TMEM97: variants seen among roughly 807,000 people sequenced by gnomAD.
TMEM97 encodes transmembrane protein 97, also known as sigma intracellular receptor 2.
In TMEM97, 13 loss-of-function variants were observed where a neutral mutation model predicts 18.3. The ratio of observed to expected loss-of-function variants is 0.71; its 90% CI spans 0.46 to 1.13. The LOEUF (loss-of-function observed/expected upper bound fraction) is 1.13, where lower values mean the gene tolerates loss of function less well. Among genes scored for constraint, TMEM97 ranks in the 50% most tolerant of loss-of-function variants. The pLI is 0.00. For missense variants in TMEM97, 205 were observed against 210.5 expected (o/e 0.97, Z 0.16); for synonymous variants, 76 against 85.3 (o/e 0.89, Z 0.60).
chr17:28,323,138 A>G (rs1035923289), intron 1 of TMEM97, among the ~76,000 whole-genome samples: 2 of 152,094 alleles, frequency 1.3e-5, no homozygotes, highest in Non-Finnish European at 2.9e-5. Context: ...TACACGCCTC[A>G]CCCATCTGCC....
intron 1 of TMEM97, among the ~76,000 whole-genome samples, chr17:28,324,190 T>G (rs1424560798): frequency 6.6e-6 from 1 of 152,212 alleles, no homozygotes; most frequent in Non-Finnish European, 1.5e-5. Context: ...TCAATCCTAT[T>G]CAAACCACAT....
rs552384028 is a variant in TMEM97 at position 28,327,888 on chromosome 17, C to T, written c.*1095C>T. ...AGTCCCTGTATCTGAAGTCTAGCAT[C>T]TCAAGGCTGATCTGGAAGTGTGCTA... On this transcript the variant is annotated 3_prime_UTR_variant, in exon 3 of 3. Coordinates refer to ENST00000226230, the MANE Select transcript of TMEM97 (RefSeq NM_014573.3). 8.5e-5 allele frequency: 13 copies of T among 152,368 alleles called. No homozygotes were observed. Among genetic ancestry groups the T allele is most frequent in the African/African-American group, 2.9e-4 (12 of 41,592 alleles). The allele number at this position is 152,368 out of a possible 1,614,324, so 9.4% of individuals were successfully genotyped here. A position where few individuals can be genotyped will look rare whatever the true frequency, so the allele number is the denominator to read the frequency against.
chr17:28,324,323 AAATT>A (rs1906254384), intron 1 of TMEM97, among the ~76,000 whole-genome samples: 1 of 152,268 alleles, frequency 6.6e-6, no homozygotes, highest in South Asian at 2.1e-4. Context: ...AGCCTTTCTG[AAATT>A]AATAATATGC....
At chr17:28,320,147 CATCT>C (rs1385042182) in intron 1 of TMEM97, among the ~76,000 whole-genome samples, 1 of 152,090 alleles carries the variant, frequency 6.6e-6, no homozygotes. Flanking sequence ...TTTGTTTCTC[CATCT>C]TATCTATAAC....
chr17:28,328,571 C>T lies in TMEM97; in HGVS notation c.*1778C>T, dbSNP rs1906483839. ...GTGACATAGGTCATTGGTCAAGCCG[C>T]TGGAATGCTACAGAGGTTTTTTTGG... On this transcript the variant is annotated 3_prime_UTR_variant, in exon 3 of 3. Coordinates refer to ENST00000226230, the MANE Select transcript of TMEM97 (RefSeq NM_014573.3). The T allele has an allele frequency of 1.2e-6, 1 of 856,650 alleles. No homozygotes were observed. Among genetic ancestry groups the T allele is most frequent in the Non-Finnish European group, 1.9e-6 (1 of 531,582 alleles). 53.1% of individuals were successfully genotyped at this position (856,650 alleles called of 1,614,324 possible).
At chr17:28,319,806 G>A (rs1269876616) in intron 1 of TMEM97, 1 of 153,392 alleles carries the variant, frequency 6.5e-6, no homozygotes, top group Non-Finnish European at 1.5e-5. Flanking sequence ...CCTGTCTGAA[G>A]GTTTAGCACC....
intron 1 of TMEM97, among the ~76,000 whole-genome samples, chr17:28,320,148 A>T (rs551283254): frequency 6.6e-6 from 1 of 151,924 alleles, no homozygotes; most frequent in East Asian, 1.9e-4. Flanking sequence ...TTGTTTCTCC[A>T]TCTTATCTAT....
rs1355224514 is a variant in TMEM97 at position 28,325,267 on chromosome 17, G to A, written c.127-236G>A. 2.0e-5 allele frequency among the ~76,000 whole-genome samples: 3 copies of A among 152,162 alleles called. No individual in the cohort carries two copies. In the South Asian group the frequency reaches 6.2e-4, roughly 32 times the overall value. ...AGATTCTGGGTAACACAAAGAAGGGGCTGGAAGAGTTGAGAAAATTTCAGA... is the reference window on the plus strand; with the variant it reads ...AGATTCTGGGTAACACAAAGAAGGGACTGGAAGAGTTGAGAAAATTTCAGA... On this transcript the variant is annotated intron_variant, in intron 1 of 2. Coordinates refer to ENST00000226230, the MANE Select transcript of TMEM97 (RefSeq NM_014573.3).
At position 28,327,354 on chromosome 17, in the gene TMEM97, G is replaced by A. The variant is rs1429883181; in HGVS notation, c.*561G>A. 2 of 154,284 alleles carry A rather than the reference G, an allele frequency of 1.3e-5. No homozygotes were observed. The highest frequency in any genetic ancestry group is 2.9e-5 in the Non-Finnish European group (2 of 69,456). 9.6% of individuals were successfully genotyped at this position (154,284 alleles called of 1,614,324 possible). On this transcript the variant is annotated 3_prime_UTR_variant, in exon 3 of 3. Transcript: ENST00000226230. ...AAAGGGGTGTGGGCTAGGTTATAAGGAAGTGGTACCAAATAACTGTGTGCC... is the reference window on the plus strand; with the variant it reads ...AAAGGGGTGTGGGCTAGGTTATAAGAAAGTGGTACCAAATAACTGTGTGCC...
Position 28,319,296 on chromosome 17 carries a change from C to T in TMEM97, c.57C>T (p.Leu19=). 5 of 1,611,444 alleles carry T rather than the reference C, an allele frequency of 3.1e-6. No individual in the cohort carries two copies. The highest frequency in any genetic ancestry group is 4.2e-6 in the Non-Finnish European group (5 of 1,178,908). Residue 19 remains leucine, a synonymous_variant, in exon 1 of 3, where the codon CTC becomes CTT. Transcript: ENST00000226230. ...AGTGGCTGCTGGGCCTCTACTTCCTCAGCCACATCCCCATCACCCTGTTCA... is the reference window on the plus strand; with the variant it reads ...AGTGGCTGCTGGGCCTCTACTTCCTTAGCCACATCCCCATCACCCTGTTCA... ...CVEWLLGLYF[L]SHIPITLFMD...
intron 1 of TMEM97, among the ~76,000 whole-genome samples, chr17:28,321,743 A>T (rs1237652305): frequency 6.6e-6 from 1 of 150,938 alleles, no homozygotes; most frequent in Non-Finnish European, 1.5e-5. Flanking sequence ...TTATTTTTTT[A>T]ATGCTGACTT....
rs1209680985 is a variant in TMEM97 at position 28,320,909 on chromosome 17, TGTC to T, written c.126+1545_126+1547del. ...TCTGCTTCGCTTTTATAAAGACACTTGTCATACATTCAGGGCCCACCAGATAAC... is the reference window on the plus strand; with the variant it reads ...TCTGCTTCGCTTTTATAAAGACACTTATACATTCAGGGCCCACCAGATAAC... On this transcript the variant is annotated intron_variant, in intron 1 of 2. Transcript: ENST00000226230. 6.6e-5 allele frequency among the ~76,000 whole-genome samples: 10 copies of T among 152,354 alleles called. No homozygotes were observed. The East Asian group carries it at 1.9e-3, about 29-fold the overall frequency.
chr17:28,325,578 TC>T lies in TMEM97; in HGVS notation c.204del (p.Leu70CysfsTer39). On this transcript the variant is annotated frameshift_variant, in exon 2 of 3. Transcript: ENST00000226230. LOFTEE classifies it high-confidence loss of function. ...LLQEPPAWFK[S>X]FLFCELVFQL... Reference sequence around the variant, plus strand: ...ACAGGAGCCCCCAGCCTGGTTTAAGTCCTTTCTGTTTTGCGAGCTTGTGTTT... The same window carrying T: ...ACAGGAGCCCCCAGCCTGGTTTAAGTCTTTCTGTTTTGCGAGCTTGTGTTT... 6.2e-7 allele frequency: 1 copy of T among 1,614,220 alleles called. No individual in the cohort carries two copies. The highest frequency in any genetic ancestry group is 8.5e-7 in the Non-Finnish European group (1 of 1,180,050).
At position 28,328,252 on chromosome 17, in the gene TMEM97, G is replaced by C. The variant is rs1247020989; in HGVS notation, c.*1459G>C. 1 of 185,258 alleles carries C rather than the reference G, an allele frequency of 5.4e-6. No homozygotes were observed. Among genetic ancestry groups the C allele is most frequent in the Admixed American group, 6.1e-5 (1 of 16,328 alleles). 11.5% of individuals were successfully genotyped at this position (185,258 alleles called of 1,614,324 possible). The stretch of plus-strand genomic sequence containing the variant: ...TGCCTGGTTTGTTTTGTGGACTAGG[G>C]GATAGAGAATCCAGGGTTCTCTCAT... On this transcript the variant is annotated 3_prime_UTR_variant, in exon 3 of 3. Transcript: ENST00000226230.
Position 28,328,645 on chromosome 17 carries a change from T to A in TMEM97, c.*1852T>A. On this transcript the variant is annotated 3_prime_UTR_variant, in exon 3 of 3. Coordinates refer to ENST00000226230, the MANE Select transcript of TMEM97 (RefSeq NM_014573.3). Reference sequence around the variant, plus strand: ...TGCCTTCCTACTATAAAAGCGAAATTTTCAGTTCATTTCTGAAAAATAAAT... The same window carrying A: ...TGCCTTCCTACTATAAAAGCGAAATATTCAGTTCATTTCTGAAAAATAAAT... The A allele has an allele frequency of 6.3e-7, 1 of 1,588,418 alleles. No homozygotes were observed. Among genetic ancestry groups the A allele is most frequent in the South Asian group, 1.1e-5 (1 of 87,030 alleles).
Position 28,319,225 on chromosome 17 carries a change from C to T in TMEM97, c.-15C>T. 2 of 1,597,616 alleles carry T rather than the reference C, an allele frequency of 1.3e-6. No homozygotes were observed. Among genetic ancestry groups the T allele is most frequent in the Middle Eastern group, 1.7e-4 (1 of 5,978 alleles). ...CTCTTCTCACATCAGCGGGTCCAGG[C>T]CCAACCGACAGACTATGGGGGCTCC... is the stretch of plus-strand genomic sequence containing the variant. On this transcript the variant is annotated 5_prime_UTR_variant, in exon 1 of 3. Coordinates refer to ENST00000226230, the MANE Select transcript of TMEM97 (RefSeq NM_014573.3).
rs782198940 is a variant in TMEM97, at chr17:28,326,537, G to C, written c.275G>C (p.Ser92Thr). ...TCTTTTCCCCTGACTACCTCAGGAAGCTGCAAGTGGATTCGAACTCCTGCA... is the reference window on the plus strand; with the variant it reads ...TCTTTTCCCCTGACTACCTCAGGAACCTGCAAGTGGATTCGAACTCCTGCA... ...PIATYAFLKG[S>T]CKWIRTPAII... The change falls in exon 3 of 3, where the codon AGC becomes ACC. Residue 92 changes from serine (S) to threonine (T), a missense_variant. Transcript: ENST00000226230. 3 of 1,612,962 alleles carry C rather than the reference G, an allele frequency of 1.9e-6. No homozygotes were observed. The South Asian group carries it at 3.3e-5, about 18-fold the overall frequency.
chr17:28,328,550 C>T lies in TMEM97; in HGVS notation c.*1757C>T, dbSNP rs1289425576. On this transcript the variant is annotated 3_prime_UTR_variant, in exon 3 of 3. Transcript: ENST00000226230. ...ATTCCTTACACGCCACCTCTTGTGA[C>T]ATAGGTCATTGGTCAAGCCGCTGGA... 7 of 737,312 alleles carry T rather than the reference C, an allele frequency of 9.5e-6. No homozygotes were observed. The highest frequency in any genetic ancestry group is 5.4e-5 in the Admixed American group (2 of 37,056). 45.7% of individuals were successfully genotyped at this position (737,312 alleles called of 1,614,324 possible). A position where few individuals can be genotyped will look rare whatever the true frequency, so the allele number is the denominator to read the frequency against.
At chr17:28,319,644 G>C (rs996109137) in intron 1 of TMEM97, 5 of 336,858 alleles carry the variant, frequency 1.5e-5, no homozygotes, top group African/African-American at 1.1e-4. Flanking sequence ...ACCTCTGGCC[G>C]GTTGTCAGTG....
Sources: gnomAD v4.1 joint callset for allele counts (sites outside exome capture counted in the v4.1 genomes callset) on GRCh38, gnomAD v4.1.1 for gene constraint, MANE v1.5 for transcripts, NCBI Gene and HGNC (gene_info 2026-07-23, HGNC 2026-07-21) for gene names.